The following ANKS3 variants were observed in gnomAD, a reference collection of about 807,000 sequenced individuals.
ANKS3 encodes the protein ankyrin repeat and SAM domain-containing protein 3.
Under a neutral mutation model 80.7 loss-of-function variants are expected in ANKS3, and 62 were observed. That is an observed-to-expected ratio of 0.77 (90% CI 0.63 to 0.95). ANKS3 has a LOEUF of 0.95. Ranked by LOEUF, ANKS3 falls within the 40% of genes least tolerant of loss-of-function variation. The probability of loss-of-function intolerance (pLI) is 0.00; values close to 1 mark genes in which losing one functional copy is unlikely to be tolerated. For synonymous variants in ANKS3, 489 were observed against 355.3 expected (o/e 1.38, Z -4.23); for missense variants, 1,150 against 883.6 (o/e 1.30, Z -3.82).
At chr16:4,722,254 T>C (rs1019877340) in intron 6 of ANKS3, among the ~76,000 whole-genome samples, 19 of 151,066 alleles carry the variant, frequency 1.3e-4, no homozygotes, top group African/African-American at 4.6e-4. Flanking sequence ...CAATAGAAAA[T>C]TGGGCAATAA....
At chr16:4,699,440 A>G in intron 11 of ANKS3, 2 of 505,570 alleles carry the variant, frequency 4.0e-6, no homozygotes, top group African/African-American at 1.9e-5. Flanking sequence ...ACACATGCTC[A>G]GTTCTGTGAA....
intron 11 of ANKS3, chr16:4,699,389 G>C (rs2079775501): frequency 4.9e-6 from 3 of 609,300 alleles, no homozygotes; most frequent in African/African-American, 3.7e-5. Context: ...GCCACGTGGG[G>C]ACAATGTATG....
chr16:4,716,521 A>G (rs1300229648), intron 6 of ANKS3, among the ~76,000 whole-genome samples: 2 of 152,090 alleles, frequency 1.3e-5, no homozygotes, highest in African/African-American at 4.8e-5. Flanking sequence ...ACAGGACAAA[A>G]AACTGTGTTT....
intron 15 of ANKS3, among the ~76,000 whole-genome samples, chr16:4,697,715 A>C (rs569637475): frequency 6.6e-6 from 1 of 152,202 alleles, no homozygotes; most frequent in East Asian, 1.9e-4. Context: ...GTCTCAGCAC[A>C]GCACAGCCAG....
Position 4,710,093 on chromosome 16 carries a change from A to G in ANKS3, c.709+3958T>C, listed in dbSNP as rs184442722. 2.0e-5 allele frequency among the ~76,000 whole-genome samples: 3 copies of G among 152,300 alleles called. 1 individual carries two copies. The East Asian group carries it at 5.8e-4, about 29-fold the overall frequency. On this transcript the variant is annotated intron_variant, in intron 7 of 17. Coordinates refer to ENST00000304283, the MANE Select transcript of ANKS3 (RefSeq NM_133450.4). ...GGATTTTTAAAAGCTCATGTCAAAC[A>G]TGTAGAGTAGAATAGTGATTATCAG... is the stretch of plus-strand genomic sequence containing the variant.
chr16:4,712,287 CT>C (rs2080535717), intron 7 of ANKS3, among the ~76,000 whole-genome samples: 1 of 152,016 alleles, frequency 6.6e-6, no homozygotes, highest in Admixed American at 6.6e-5. Flanking sequence ...AGAAGAATTG[CT>C]TGAACTCAGG....
At chr16:4,718,035 A>G (rs2080893292) in intron 6 of ANKS3, among the ~76,000 whole-genome samples, 1 of 151,334 alleles carries the variant, frequency 6.6e-6, no homozygotes, top group Non-Finnish European at 1.5e-5. Flanking sequence ...TTGGCATCCC[A>G]AAGTGCTGGG....
chr16:4,699,445 T>C, intron 11 of ANKS3: 1 of 498,712 alleles, frequency 2.0e-6, no homozygotes, highest in Non-Finnish European at 3.7e-6. Flanking sequence ...TGCTCAGTTC[T>C]GTGAAGGGAC....
rs1390594994 is a variant in ANKS3 at position 4,697,421 on chromosome 16, G to A, written c.1811-5C>T. 3 of 1,594,362 alleles carry A rather than the reference G, an allele frequency of 1.9e-6. No individual in the cohort carries two copies. The South Asian group carries it at 3.3e-5, about 18-fold the overall frequency. On this transcript the variant is annotated splice_region_variant and splice_polypyrimidine_tract_variant and intron_variant, in intron 15 of 17. Coordinates refer to ENST00000304283, the MANE Select transcript of ANKS3 (RefSeq NM_133450.4). Reference sequence around the variant, plus strand: ...ACGCTTGCCAGCCCTTGGAGTCTGTGGTGCAGGTGCAGGGACCGAGTTAGC... The same window carrying A: ...ACGCTTGCCAGCCCTTGGAGTCTGTAGTGCAGGTGCAGGGACCGAGTTAGC...
At chr16:4,711,007 T>A (rs577187203) in intron 7 of ANKS3, among the ~76,000 whole-genome samples, 1 of 152,046 alleles carries the variant, frequency 6.6e-6, no homozygotes, top group African/African-American at 2.4e-5. Context: ...CAGGCTGGTC[T>A]TGAACTCCTG....
At chr16:4,718,635 C>T (rs2080931902) in intron 6 of ANKS3, among the ~76,000 whole-genome samples, 1 of 152,218 alleles carries the variant, frequency 6.6e-6, no homozygotes, top group Non-Finnish European at 1.5e-5. Context: ...GGTCTAACTA[C>T]TGGGCGGCAG....
chr16:4,729,591 C>T (rs894092148), intron 3 of ANKS3: 2 of 153,656 alleles, frequency 1.3e-5, no homozygotes, highest in African/African-American at 4.8e-5. Context: ...AAACTCCTGA[C>T]CTCAAGTGAC....
rs767185859 is a variant in ANKS3, at chr16:4,726,771, C to G, written c.379G>C (p.Glu127Gln). ...CCCTGGATGTCTTTCATTTCTAGCT[C>G]TGCACCTTGCTTCAAGAGAACACAG... is the stretch of plus-strand genomic sequence containing the variant. ...IAYFLLQQGA[E>Q]LEMKDIQGWT... The change falls in exon 5 of 18, where the codon GAG becomes CAG. Residue 127 changes from glutamate (E) to glutamine (Q), a missense_variant. Glu to Gln is a conservative substitution (Grantham distance 29). Coordinates refer to ENST00000304283, the MANE Select transcript of ANKS3 (RefSeq NM_133450.4). 6.2e-7 allele frequency: 1 copy of G among 1,613,064 alleles called. No individual in the cohort carries two copies. The highest frequency in any genetic ancestry group is 8.5e-7 in the Non-Finnish European group (1 of 1,179,072).
intron 7 of ANKS3, among the ~76,000 whole-genome samples, chr16:4,711,182 C>G (rs2080464991): frequency 6.7e-6 from 1 of 150,038 alleles, no homozygotes; most frequent in South Asian, 2.1e-4. Context: ...CGGCTCACCT[C>G]AACCTCTGCC....
chr16:4,697,520 C>T, intron 15 of ANKS3, 104 bp from the exon 16 acceptor site: 1 of 933,024 alleles, frequency 1.1e-6, no homozygotes. Flanking sequence ...TGGATCAGAA[C>T]CTCCCTACCC....
chr16:4,697,451 G>A (rs1247849357), intron 15 of ANKS3, 35 bp from the exon 16 acceptor site: 3 of 1,518,924 alleles, frequency 2.0e-6, no homozygotes, highest in Non-Finnish European at 2.7e-6. Context: ...GTTAGCTGGG[G>A]GTCTGCGTCC....
At chr16:4,697,160 G>A in intron 16 of ANKS3, 56 bp from the exon 17 acceptor site, 2 of 1,586,664 alleles carry the variant, frequency 1.3e-6, no homozygotes, top group South Asian at 1.1e-5. Context: ...GCTGGGTGGT[G>A]CTGCCCCGGG....
At chr16:4,726,898 T>C (rs1446461671) in intron 4 of ANKS3, 81 bp downstream of exon 4, 1 of 1,603,282 alleles carries the variant, frequency 6.2e-7, no homozygotes, top group Admixed American at 1.7e-5. Context: ...ACGAACACCG[T>C]GGCCTGCAGT....
intron 10 of ANKS3, 54 bp from the exon 11 acceptor site, chr16:4,701,188 G>T: frequency 6.2e-7 from 1 of 1,606,416 alleles, no homozygotes. Flanking sequence ...TGAGAGCCTT[G>T]GTGAAACCCC....
Sources: allele counts gnomAD v4.1 joint callset (sites outside exome capture counted in the v4.1 genomes callset), GRCh38; gene constraint gnomAD v4.1.1; transcripts MANE v1.5; gene names NCBI Gene and HGNC (gene_info 2026-07-23, HGNC 2026-07-21).